PRKAR1A: variants seen among roughly 807,000 people sequenced by gnomAD.
PRKAR1A encodes cAMP-dependent protein kinase type I-alpha regulatory subunit.
Under a neutral mutation model 52.0 loss-of-function variants are expected in PRKAR1A, and 3 were observed. That is an observed-to-expected ratio of 0.06 (90% CI 0.03 to 0.15). The LOEUF (loss-of-function observed/expected upper bound fraction) is 0.15, where lower values mean the gene tolerates loss of function less well. PRKAR1A is among the 10% of genes least tolerant of loss of function. The pLI, the probability that PRKAR1A is intolerant of heterozygous loss-of-function variation, is 1.00. For synonymous variants in PRKAR1A, 188 were observed against 168.4 expected (o/e 1.12, Z -0.90); for missense variants, 240 against 477.4 (o/e 0.50, Z 4.63).
the PRKAR1A span, among the ~76,000 whole-genome samples, chr17:68,472,269 C>T: frequency 2.6e-5 from 4 of 152,192 alleles, no homozygotes; most frequent in South Asian, 4.1e-4. Flanking sequence ...CTCCCCCAGC[C>T]TCTATGACTC....
At chr17:68,430,270 C>A in the PRKAR1A span, 1 of 1,130,698 alleles carries the variant, frequency 8.8e-7, no homozygotes, top group Non-Finnish European at 1.3e-6. Context: ...CAGGGAGAGA[C>A]TGTGCCTTAG....
downstream of PRKAR1A, among the ~76,000 whole-genome samples, chr17:68,537,945 C>T (rs915086791): frequency 6.6e-6 from 1 of 152,048 alleles, no homozygotes; most frequent in Non-Finnish European, 1.5e-5. This position sits in a 1 kb window ranked among gnomAD's most constrained non-coding sequence, Gnocchi z 4.2. Context: ...TGCCCAATTG[C>T]GATTTGGTCA....
chr17:68,523,753 C>A lies in PRKAR1A; in HGVS notation c.377C>A (p.Ala126Asp). 6.2e-7 allele frequency: 1 copy of A among 1,613,626 alleles called. No homozygotes were observed. Among genetic ancestry groups the A allele is most frequent in the Non-Finnish European group, 8.5e-7 (1 of 1,179,932 alleles). The change falls in exon 4 of 11, where the codon GCC becomes GAC. Residue 126 changes from alanine to aspartate, a missense_variant. Physicochemically the swap from Ala to Asp is moderately radical, Grantham distance 126. Around this residue, in one of 4 missense-constraint regions of PRKAR1A, gnomAD observed 107 missense variants for 290.9 expected, o/e 0.37. Transcript: ENST00000589228. Reference protein sequence around the residue: ...KVIPKDYKTMAALAKAIEKNV... With the variant: ...KVIPKDYKTMDALAKAIEKNV... ...ATACCAAAAGATTACAAGACAATGG[C>A]CGCTTTAGCCAAAGCCATTGAAAAG...
At chr17:68,550,879 T>G (rs2086804541) in intron 11 of PRKAR1A, among the ~76,000 whole-genome samples, 1 of 152,220 alleles carries the variant, frequency 6.6e-6, no homozygotes, top group African/African-American at 2.4e-5. Flanking sequence ...CCAAAGCAGT[T>G]GGGACTGAAA....
chr17:68,516,910 G>T (rs1186182787), intron 2 of PRKAR1A, among the ~76,000 whole-genome samples: 1 of 152,134 alleles, frequency 6.6e-6, no homozygotes, highest in African/African-American at 2.4e-5. Context: ...TTTTGAAATG[G>T]GTCACTGTAA....
At chr17:68,519,375 A>G (rs1315286232) in intron 2 of PRKAR1A, among the ~76,000 whole-genome samples, 3 of 152,214 alleles carry the variant, frequency 2.0e-5, no homozygotes, top group African/African-American at 7.2e-5. Flanking sequence ...TCTTCTTCAC[A>G]TGGCAGCAGC....
At chr17:68,420,493 T>C in the PRKAR1A span, 1 of 1,594,892 alleles carries the variant, frequency 6.3e-7, no homozygotes. Context: ...CGAGGAGGAG[T>C]ACCTGGAAAT....
At chr17:68,418,077 A>G in the PRKAR1A span, among the ~76,000 whole-genome samples, 1 of 152,178 alleles carries the variant, frequency 6.6e-6, no homozygotes, top group African/African-American at 2.4e-5. Flanking sequence ...GTTAGAATGA[A>G]GTGATGACTG....
chr17:68,421,587 T>C, the PRKAR1A span: 9 of 722,742 alleles, frequency 1.2e-5, no homozygotes, highest in South Asian at 3.3e-5. Context: ...CCCGCGCCCA[T>C]TGGCAACCAG....
At chr17:68,540,897 G>A (rs1335180172) in intron 11 of PRKAR1A, 2 of 1,605,530 alleles carry the variant, frequency 1.2e-6, no homozygotes, top group Non-Finnish European at 1.7e-6. Context: ...AGGAGCCGCT[G>A]GCTGTTGTTG....
At chr17:68,527,511 T>C (rs1005532444) in intron 7 of PRKAR1A, 4 of 284,918 alleles carry the variant, frequency 1.4e-5, no homozygotes, top group Non-Finnish European at 2.0e-5. Flanking sequence ...TGGAAAAATA[T>C]CTTGAGTGAT....
At chr17:68,471,027 T>C in the PRKAR1A span, among the ~76,000 whole-genome samples, 1 of 152,218 alleles carries the variant, frequency 6.6e-6, no homozygotes, top group East Asian at 1.9e-4. Context: ...CTTATTGTTT[T>C]GTATAAATGA....
At chr17:68,513,531 C>A (rs1262866134) in intron 1 of PRKAR1A, among the ~76,000 whole-genome samples, 1 of 152,208 alleles carries the variant, frequency 6.6e-6, no homozygotes, top group East Asian at 1.9e-4. Flanking sequence ...AAGAATGAAT[C>A]TGAGTGTTTT....
At chr17:68,537,726 T>G, downstream of PRKAR1A, 1 of 1,611,944 alleles carries the variant, frequency 6.2e-7, no homozygotes, top group Non-Finnish European at 8.5e-7. This position sits in a 1 kb window ranked among gnomAD's most constrained non-coding sequence, Gnocchi z 4.2. Flanking sequence ...GGTGCAAAAG[T>G]GTTTTCTTTT....
At chr17:68,415,535 C>T in the PRKAR1A span, among the ~76,000 whole-genome samples, 1 of 152,152 alleles carries the variant, frequency 6.6e-6, no homozygotes, top group African/African-American at 2.4e-5. Flanking sequence ...CTGTTAAGTC[C>T]ATTTGTTACA....
the PRKAR1A span, among the ~76,000 whole-genome samples, chr17:68,479,669 T>C: frequency 6.6e-6 from 1 of 152,254 alleles, no homozygotes; most frequent in African/African-American, 2.4e-5. Flanking sequence ...ACATTTTCTA[T>C]TTTTCTGCAT....
chr17:68,524,448 A>G (rs566823175), intron 5 of PRKAR1A, among the ~76,000 whole-genome samples: 2 of 152,182 alleles, frequency 1.3e-5, no homozygotes, highest in Non-Finnish European at 2.9e-5. Context: ...AGCCCTGTCT[A>G]TTAAAAAGGT....
At chr17:68,435,697 T>C in the PRKAR1A span, 1 of 1,614,198 alleles carries the variant, frequency 6.2e-7, no homozygotes, top group South Asian at 1.1e-5. Flanking sequence ...TGGGCAGCAA[T>C]AGTGCAGACT....
At chr17:68,491,796 A>G in the PRKAR1A span, among the ~76,000 whole-genome samples, 1 of 152,150 alleles carries the variant, frequency 6.6e-6, no homozygotes, top group East Asian at 1.9e-4. Flanking sequence ...CACAAAAAAA[A>G]AAAGAAAAAA....
Sources: allele counts gnomAD v4.1 joint callset (sites outside exome capture counted in the v4.1 genomes callset), GRCh38; gene constraint gnomAD v4.1.1; regional missense constraint gnomAD v4.1.1; non-coding constraint Gnocchi (gnomAD v3.1); transcripts MANE v1.5; gene names NCBI Gene and HGNC (gene_info 2026-07-23, HGNC 2026-07-21).